BAZ2B: variants seen among roughly 807,000 people sequenced by gnomAD.
The protein encoded by BAZ2B is bromodomain adjacent to zinc finger domain protein 2B.
In BAZ2B, 91 loss-of-function variants were observed where a neutral mutation model predicts 246.0. The ratio of observed to expected loss-of-function variants is 0.37; its 90% CI spans 0.31 to 0.44. BAZ2B has a LOEUF of 0.44. BAZ2B is among the 20% of genes least tolerant of loss of function. The pLI is 1.00. For missense variants in BAZ2B, 2,332 were observed against 2,533.7 expected, an observed-to-expected ratio of 0.92 and a Z score of 1.71; for synonymous variants, 855 against 860.0, an observed-to-expected ratio of 0.99 and a Z score of 0.10.
chr2:159,320,415 A>G lies in BAZ2B; in HGVS notation c.6357T>C (p.Tyr2119=). ...CTAGAGCAAAGGTTTCAAGGTTTGG[A>G]TACCTGAAAGAAAACAAATAATTAG... The part of the protein sequence containing the change: ...TIREKLSSGQ[Y]PNLETFALDV... Residue 2119 remains tyrosine (Y), a synonymous_variant, in exon 37 of 37, where the codon TAT becomes TAC. Transcript: ENST00000392783. 1 of 1,560,926 alleles carries G rather than the reference A, an allele frequency of 6.4e-7. No individual in the cohort carries two copies. Among genetic ancestry groups the G allele is most frequent in the Non-Finnish European group, 8.6e-7 (1 of 1,163,964 alleles).
At chr2:159,517,885 A>G (rs2083599042) in intron 2 of BAZ2B, among the ~76,000 whole-genome samples, 1 of 152,214 alleles carries the variant, frequency 6.6e-6, no homozygotes, top group Admixed American at 6.5e-5. Flanking sequence ...CACATGAAAT[A>G]GCAAGTTTTC....
chr2:159,337,699 A>G lies in BAZ2B; in HGVS notation c.5528T>C (p.Leu1843Ser). ...AAATTCTCCATCATGCTCCTTGCAC[A>G]ATTTAGTAAATGATTTATGTTCAAA... Reference protein sequence around the residue: ...VYFEHKSFTKLCKEHDGEFTG... With the variant: ...VYFEHKSFTKSCKEHDGEFTG... The change falls in exon 32 of 37, where the codon TTG becomes TCG. Residue 1843 changes from leucine (L) to serine (S), a missense_variant. Transcript: ENST00000392783. 1.2e-6 allele frequency: 2 copies of G among 1,614,156 alleles called. No individual in the cohort carries two copies. Among genetic ancestry groups the G allele is most frequent in the East Asian group, 2.2e-5 (1 of 44,886 alleles).
intron 34 of BAZ2B, among the ~76,000 whole-genome samples, chr2:159,326,966 A>G (rs1269183138): frequency 1.3e-5 from 2 of 152,192 alleles, no homozygotes; most frequent in Non-Finnish European, 2.9e-5. Flanking sequence ...ACTTTTAGAA[A>G]ACTACTATTC....
chr2:159,682,188 G>C, the BAZ2B span, among the ~76,000 whole-genome samples: 1 of 133,562 alleles, frequency 7.5e-6, no homozygotes, highest in African/African-American at 2.6e-5. Context: ...TCCTGCTCAG[G>C]CTCTTTTTTT....
chr2:159,567,865 G>A (rs1578450606), intron 1 of BAZ2B, among the ~76,000 whole-genome samples: 1 of 152,028 alleles, frequency 6.6e-6, no homozygotes, highest in East Asian at 1.9e-4. Context: ...CCAGCTACTC[G>A]GGAGGCTGAG....
At chr2:159,690,194 T>A in the BAZ2B span, 1 of 473,178 alleles carries the variant, frequency 2.1e-6, no homozygotes, top group South Asian at 1.8e-5. Context: ...CTTTCCAACA[T>A]TTCTTATATT....
chr2:159,339,411 A>G (rs2066245738), intron 31 of BAZ2B, among the ~76,000 whole-genome samples: 1 of 152,176 alleles, frequency 6.6e-6, no homozygotes, highest in Non-Finnish European at 1.5e-5. Flanking sequence ...GCCAGGAACC[A>G]AGCACACAGA....
At chr2:159,349,586 A>G in intron 28 of BAZ2B, 122 bp downstream of exon 28, 1 of 1,157,754 alleles carries the variant, frequency 8.6e-7, no homozygotes, top group South Asian at 1.7e-5. Flanking sequence ...GACTTGTTTT[A>G]GTTTTCAAAC....
chr2:159,567,875 G>A (rs1474296124), intron 1 of BAZ2B, among the ~76,000 whole-genome samples: 2 of 152,138 alleles, frequency 1.3e-5, no homozygotes, highest in Non-Finnish European at 2.9e-5. Context: ...GGGAGGCTGA[G>A]GCAGGAGAAT....
At chr2:159,549,054 G>C (rs2151429458) in intron 2 of BAZ2B, among the ~76,000 whole-genome samples, 1 of 152,232 alleles carries the variant, frequency 6.6e-6, no homozygotes, top group East Asian at 1.9e-4. Context: ...GCCGAGGCAG[G>C]CAGATTAGTT....
intron 2 of BAZ2B, among the ~76,000 whole-genome samples, chr2:159,483,662 TC>T (rs1211728063): frequency 6.6e-6 from 1 of 152,048 alleles, no homozygotes; most frequent in Non-Finnish European, 1.5e-5. Context: ...GTGCCTGTAA[TC>T]CCAGCTACTC....
intron 2 of BAZ2B, among the ~76,000 whole-genome samples, chr2:159,496,456 C>T (rs1326973482): frequency 6.9e-6 from 1 of 144,880 alleles, no homozygotes; most frequent in Non-Finnish European, 1.5e-5. Flanking sequence ...CACTGCACTC[C>T]AGCCTGAGCA....
At chr2:159,414,764 C>A (rs1380587962) in intron 13 of BAZ2B, among the ~76,000 whole-genome samples, 2 of 151,308 alleles carry the variant, frequency 1.3e-5, no homozygotes, top group African/African-American at 4.9e-5. Flanking sequence ...TTGCAGTGAG[C>A]CGAGATGGAA....
intron 1 of BAZ2B, among the ~76,000 whole-genome samples, chr2:159,606,900 ACT>A (rs1486248456): frequency 3.5e-5 from 5 of 142,264 alleles, no homozygotes; most frequent in Non-Finnish European, 7.6e-5. Context: ...CCTTTTTCAT[ACT>A]CTTTTTTAGT....
At chr2:159,602,683 CTT>C (rs998142001) in intron 1 of BAZ2B, among the ~76,000 whole-genome samples, 2 of 152,146 alleles carry the variant, frequency 1.3e-5, no homozygotes, top group African/African-American at 4.8e-5. Flanking sequence ...TCAAGGCTCT[CTT>C]TGCCACATAT....
At chr2:159,553,389 T>C (rs2088594007) in intron 2 of BAZ2B, among the ~76,000 whole-genome samples, 1 of 53,620 alleles carries the variant, frequency 1.9e-5, no homozygotes, top group Non-Finnish European at 3.4e-5. Flanking sequence ...TGAGACTCTG[T>C]CTCAAAAAAA....
chr2:159,509,774 T>C (rs920277714), intron 2 of BAZ2B, among the ~76,000 whole-genome samples: 1 of 152,138 alleles, frequency 6.6e-6, no homozygotes, highest in African/African-American at 2.4e-5. Context: ...TGCATATATG[T>C]ACAAACATAT....
chr2:159,384,956 A>T (rs1182603449), intron 23 of BAZ2B, among the ~76,000 whole-genome samples, 199 bp downstream of exon 23: 4 of 152,050 alleles, frequency 2.6e-5, no homozygotes, highest in South Asian at 4.2e-4. Flanking sequence ...TATAATCCAA[A>T]TTTTTTTTCA....
At chr2:159,630,843 G>C in the BAZ2B span, among the ~76,000 whole-genome samples, 1 of 151,728 alleles carries the variant, frequency 6.6e-6, no homozygotes, top group Non-Finnish European at 1.5e-5. Context: ...CAGACTAACC[G>C]TATTCTTATG....
Sources: allele counts gnomAD v4.1 joint callset (sites outside exome capture counted in the v4.1 genomes callset), GRCh38; gene constraint gnomAD v4.1.1; transcripts MANE v1.5; gene names NCBI Gene and HGNC (gene_info 2026-07-23, HGNC 2026-07-21).